Variants in ERC2 observed in about 807,000 individuals in gnomAD.
ERC2 encodes the protein ELKS/RAB6-interacting/CAST family member 2, also known as ERC protein 2.
A neutral mutation model predicts 114.8 loss-of-function variants in ERC2; 42 were observed. That is an observed-to-expected ratio of 0.37 (90% CI 0.29 to 0.47). ERC2 has a LOEUF of 0.47. Ranked by LOEUF, ERC2 falls within the 20% of genes least tolerant of loss-of-function variation. The probability of loss-of-function intolerance (pLI) is 0.99; values close to 1 mark genes in which losing one functional copy is unlikely to be tolerated. For synonymous variants in ERC2, 454 were observed against 425.5 expected (o/e 1.07, Z -0.82); for missense variants, 939 against 1,150.7 (o/e 0.82, Z 2.66).
intron 17 of ERC2, among the ~76,000 whole-genome samples, chr3:55,639,577 G>T (rs1296275565): frequency 6.6e-6 from 1 of 152,164 alleles, no homozygotes; most frequent in African/African-American, 2.4e-5. Context: ...GAATAACTGG[G>T]GGAGATCTAA....
chr3:56,127,881 T>A (rs1258363267), intron 6 of ERC2, among the ~76,000 whole-genome samples: 2 of 152,080 alleles, frequency 1.3e-5, no homozygotes. Context: ...GGATAGTCTC[T>A]TCAATAAATG....
intron 14 of ERC2, among the ~76,000 whole-genome samples, chr3:55,737,794 T>C (rs1037834350): frequency 9.9e-5 from 15 of 152,212 alleles, no homozygotes; most frequent in Admixed American, 5.9e-4. Context: ...TTTTCTTTTA[T>C]GACAAACTTT....
chr3:56,186,289 A>G (rs534735627), intron 3 of ERC2, among the ~76,000 whole-genome samples: 3 of 152,264 alleles, frequency 2.0e-5, no homozygotes, highest in African/African-American at 7.2e-5. Context: ...GTAATTTGTC[A>G]TGGCTGCAAT....
chr3:55,550,865 A>C (rs993752974), intron 17 of ERC2, among the ~76,000 whole-genome samples: 3 of 151,884 alleles, frequency 2.0e-5, no homozygotes, highest in Non-Finnish European at 4.4e-5. Context: ...AAATACAAAA[A>C]ATTAGCCGGG....
At chr3:56,039,470 CTA>C (rs889750688) in intron 7 of ERC2, among the ~76,000 whole-genome samples, 30 of 151,996 alleles carry the variant, frequency 2.0e-4, no homozygotes, top group African/African-American at 4.3e-4. Flanking sequence ...ACACTGAAAA[CTA>C]TAAAACATTG....
intron 17 of ERC2, among the ~76,000 whole-genome samples, chr3:55,553,092 G>A (rs2055342181): frequency 7.2e-6 from 1 of 139,580 alleles, no homozygotes; most frequent in African/African-American, 2.7e-5. Flanking sequence ...TGCAATCTCG[G>A]CTCACTGCAG....
intron 3 of ERC2, among the ~76,000 whole-genome samples, chr3:56,254,336 T>C (rs534174485): frequency 4.3e-4 from 38 of 88,670 alleles, no homozygotes; most frequent in Admixed American, 3.4e-3. Flanking sequence ...CTTAAACCCC[T>C]TTTTTTTTTC....
chr3:56,066,099 T>C (rs1475916409), intron 7 of ERC2, among the ~76,000 whole-genome samples: 3 of 152,198 alleles, frequency 2.0e-5, no homozygotes, highest in Admixed American at 6.5e-5. Flanking sequence ...GTATTTCTGG[T>C]TCTAGATCTT....
intron 2 of ERC2, among the ~76,000 whole-genome samples, chr3:56,415,805 C>G (rs1208197593): frequency 6.6e-6 from 1 of 152,168 alleles, no homozygotes; most frequent in Non-Finnish European, 1.5e-5. Context: ...GCAAGCAAAT[C>G]ACCCCATCAG....
At chr3:56,027,742 A>C (rs1483026150) in intron 7 of ERC2, among the ~76,000 whole-genome samples, 3 of 152,022 alleles carry the variant, frequency 2.0e-5, no homozygotes, top group Non-Finnish European at 2.9e-5. Context: ...GTTTGCAATT[A>C]TTTCCTCCAA....
intron 1 of ERC2, among the ~76,000 whole-genome samples, chr3:56,448,967 C>G (rs1471488613): frequency 2.0e-5 from 3 of 148,940 alleles, no homozygotes; most frequent in Non-Finnish European, 4.4e-5. Context: ...CCCAGCTACT[C>G]GGGAGGCTGA....
chr3:55,897,657 A>AC lies in ERC2; in HGVS notation c.2404-9109dup, dbSNP rs148503157. On this transcript the variant is annotated intron_variant, in intron 13 of 17. Transcript: ENST00000288221. ...TCAGAAGGTGAAGATAAACGCTTAA[A>AC]CCCCCCGTCAGCAGCAGCAACTCCT... Among the ~76,000 whole-genome samples the AC allele has an allele frequency of 2.5e-3, 382 of 151,938 alleles. 8 individuals carry two copies. The highest frequency in any genetic ancestry group is 0.014 in the East Asian group (72 of 5,154).
At chr3:55,842,713 A>T (rs1044738678) in intron 14 of ERC2, among the ~76,000 whole-genome samples, 1 of 118,206 alleles carries the variant, frequency 8.5e-6, no homozygotes, top group Admixed American at 7.6e-5. Flanking sequence ...AGACTCAGTT[A>T]AAAAAAAAGA....
intron 14 of ERC2, among the ~76,000 whole-genome samples, chr3:55,879,318 T>G (rs1256269150): frequency 1.3e-5 from 2 of 151,998 alleles, no homozygotes; most frequent in African/African-American, 4.8e-5. Flanking sequence ...TGCTACAGAG[T>G]TCTTTTGCAC....
At chr3:56,197,608 T>C (rs2048182248) in intron 3 of ERC2, among the ~76,000 whole-genome samples, 1 of 152,206 alleles carries the variant, frequency 6.6e-6, no homozygotes, top group Admixed American at 6.5e-5. Flanking sequence ...TAAAGTTTCA[T>C]GAAACAACTC....
intron 2 of ERC2, among the ~76,000 whole-genome samples, chr3:56,368,185 T>TAAAA (rs71294729): frequency 0.23 from 31,179 of 137,232 alleles, 3,864 homozygotes; most frequent in Non-Finnish European, 0.29. Flanking sequence ...CTTTTTTTTT[T>TAAAA]AAAAAAAAAA....
chr3:55,650,201 G>A (rs1021422317), intron 17 of ERC2, among the ~76,000 whole-genome samples: 3 of 152,198 alleles, frequency 2.0e-5, no homozygotes, highest in Admixed American at 1.3e-4. Context: ...CCCCACCACG[G>A]TGATTGTCAT....
At chr3:55,610,759 C>T (rs1228550642) in intron 17 of ERC2, 1 of 152,054 alleles carries the variant, frequency 6.6e-6, no homozygotes, top group East Asian at 1.9e-4. Flanking sequence ...TGAGACTTGA[C>T]CCATTAAGGA....
At chr3:55,752,681 A>G (rs1394925197) in intron 14 of ERC2, among the ~76,000 whole-genome samples, 2 of 152,200 alleles carry the variant, frequency 1.3e-5, no homozygotes, top group African/African-American at 4.8e-5. Context: ...TTCCCATTTG[A>G]CAGATAAGAA....
Sources: allele counts gnomAD v4.1 joint callset (sites outside exome capture counted in the v4.1 genomes callset), GRCh38; gene constraint gnomAD v4.1.1; transcripts MANE v1.5; gene names NCBI Gene and HGNC (gene_info 2026-07-23, HGNC 2026-07-21).